Variants in PCDH15 observed in about 807,000 individuals in gnomAD.
PCDH15 encodes protocadherin related 15.
Under a neutral mutation model 178.5 loss-of-function variants are expected in PCDH15, and 129 were observed. The observed-to-expected ratio is 0.72, with a 90% CI of 0.63 to 0.84. The LOEUF (loss-of-function observed/expected upper bound fraction) is 0.84. Among genes scored for constraint, PCDH15 ranks in the 40% least tolerant of loss-of-function variants. PCDH15 has a pLI of 0.00. For missense variants in PCDH15, 2,230 were observed against 2,099.9 expected, an observed-to-expected ratio of 1.06 and a Z score of -1.21; for synonymous variants, 800 against 732.0, an observed-to-expected ratio of 1.09 and a Z score of -1.50.
At chr10:54,037,877 A>G (rs1190722460) in intron 18 of PCDH15, among the ~76,000 whole-genome samples, 1 of 152,004 alleles carries the variant, frequency 6.6e-6, no homozygotes, top group Non-Finnish European at 1.5e-5. Flanking sequence ...AGTGTGAACC[A>G]CTTTGATTTG....
chr10:54,544,579 T>A lies in PCDH15; in HGVS notation c.92-16702A>T, dbSNP rs142778366. Among the ~76,000 whole-genome samples the A allele has an allele frequency of 1.6e-4, 24 of 152,242 alleles. No homozygotes were observed. In the East Asian group the frequency reaches 4.6e-3, roughly 29 times the overall value. ...CCAAGGGTGGTACTCCATATTTAAT[T>A]TAATTGTGTTTGCATATATCATACA... On this transcript the variant is annotated intron_variant, in intron 2 of 37. Transcript: ENST00000644397.
chr10:54,797,572 G>A (rs1003752755), intron 1 of PCDH15, among the ~76,000 whole-genome samples: 2 of 149,888 alleles, frequency 1.3e-5, no homozygotes, highest in Non-Finnish European at 1.5e-5. Flanking sequence ...GGAAGTAATT[G>A]GACAAGATTA....
chr10:55,147,084 T>A (rs893522989), intron 2 of PCDH15, among the ~76,000 whole-genome samples: 1 of 151,570 alleles, frequency 6.6e-6, no homozygotes, highest in South Asian at 2.1e-4. Context: ...TATTAGAAAA[T>A]AAATTACAAT....
intron 1 of PCDH15, among the ~76,000 whole-genome samples, chr10:54,795,575 T>C (rs1159465977): frequency 6.6e-6 from 1 of 151,914 alleles, no homozygotes; most frequent in African/African-American, 2.4e-5. Flanking sequence ...TCATCAAATA[T>C]TTATTGAGTA....
intron 32 of PCDH15, chr10:53,821,106 CT>C: frequency 2.0e-6 from 2 of 979,848 alleles, no homozygotes; most frequent in Non-Finnish European, 2.4e-6. Flanking sequence ...AAGTCAACGA[CT>C]CAAGATTTAT....
Position 54,796,254 on chromosome 10 carries a change from CTATCTATCTATCTATCTATG to C in PCDH15, c.-29+4651_-29+4670del, listed in dbSNP as rs879596216. ...TCTATCTATCTATCTATCTATCTAT[CTATCTATCTATCTATCTATG>C]TATCTATGTATCTATCTATCTATCT... On this transcript the variant is annotated intron_variant, in intron 1 of 37. Transcript: ENST00000644397. Among the ~76,000 whole-genome samples, 40 of 107,768 alleles carry C rather than the reference CTATCTATCTATCTATCTATG, an allele frequency of 3.7e-4. 1 individual carries two copies. The highest frequency in any genetic ancestry group is 1.1e-3 in the African/African-American group (27 of 24,758). 70.7% of individuals were successfully genotyped at this position (107,768 alleles called of 152,430 possible).
intron 28 of PCDH15, among the ~76,000 whole-genome samples, chr10:53,851,851 C>CAGCACATTATGT (rs1449241496): frequency 6.6e-6 from 1 of 151,250 alleles, no homozygotes. Context: ...ATTGATTACA[C>CAGCACATTATGT]AGCACATTTC....
intron 1 of PCDH15, among the ~76,000 whole-genome samples, chr10:55,210,093 A>C (rs1310126863): frequency 2.0e-5 from 3 of 152,178 alleles, no homozygotes; most frequent in Admixed American, 6.5e-5. Flanking sequence ...AAGAGGCATA[A>C]ATTTCAAAAG....
At chr10:54,657,979 T>A (rs548813369) in intron 2 of PCDH15, among the ~76,000 whole-genome samples, 31 of 152,306 alleles carry the variant, frequency 2.0e-4, no homozygotes, top group African/African-American at 7.5e-4. Flanking sequence ...GAACTTCATG[T>A]ATTGAAAAAG....
At chr10:54,290,125 G>C (rs954308292) in intron 8 of PCDH15, among the ~76,000 whole-genome samples, 2 of 152,140 alleles carry the variant, frequency 1.3e-5, no homozygotes, top group African/African-American at 4.8e-5. Flanking sequence ...GAAGGAAAAA[G>C]TGTTAAGGGC....
chr10:55,247,916 C>A (rs1841725934), intron 1 of PCDH15: 1 of 144,894 alleles, frequency 6.9e-6, no homozygotes, highest in Admixed American at 6.9e-5. Context: ...AGGAAAAATA[C>A]ATTTATAGGT....
chr10:54,225,904 A>G (rs2053387619), intron 9 of PCDH15, among the ~76,000 whole-genome samples: 1 of 152,214 alleles, frequency 6.6e-6, no homozygotes, highest in Non-Finnish European at 1.5e-5. Context: ...CAAGCAAGGA[A>G]TCTTGAGGGA....
intron 1 of PCDH15, among the ~76,000 whole-genome samples, chr10:54,715,248 A>C (rs1028562204): frequency 1.4e-4 from 21 of 152,298 alleles, no homozygotes; most frequent in African/African-American, 4.8e-4. Context: ...TCCATTAAGA[A>C]ATTACCAATA....
chr10:55,308,156 AT>A (rs2132285645), intron 1 of PCDH15, among the ~76,000 whole-genome samples: 1 of 152,302 alleles, frequency 6.6e-6, no homozygotes, highest in South Asian at 2.1e-4. Context: ...GGAGATTATA[AT>A]GAGACCTAAT....
intron 13 of PCDH15, among the ~76,000 whole-genome samples, chr10:54,182,731 G>A (rs1006179212): frequency 3.9e-5 from 6 of 151,902 alleles, no homozygotes; most frequent in African/African-American, 1.5e-4. Context: ...ATTTACTAAG[G>A]CAGTTTTTTG....
chr10:55,332,570 A>G (rs541453286), intron 2 of PCDH15, among the ~76,000 whole-genome samples: 2 of 152,258 alleles, frequency 1.3e-5, no homozygotes, highest in East Asian at 3.9e-4. Context: ...AGAATAAAGT[A>G]TCTTGCTGAC....
At chr10:55,211,929 G>GC (rs1195806151) in intron 1 of PCDH15, among the ~76,000 whole-genome samples, 3 of 147,872 alleles carry the variant, frequency 2.0e-5, no homozygotes, top group Non-Finnish European at 4.5e-5. Flanking sequence ...ACAAAAAGCA[G>GC]CCCCCCAAAT....
intron 8 of PCDH15, among the ~76,000 whole-genome samples, chr10:54,309,169 C>A (rs902659022): frequency 6.6e-6 from 1 of 151,944 alleles, no homozygotes; most frequent in Non-Finnish European, 1.5e-5. Flanking sequence ...ACATTATTAA[C>A]AATATGCTGG....
At chr10:55,510,854 A>T (rs1208597981) in intron 2 of PCDH15, among the ~76,000 whole-genome samples, 2 of 149,178 alleles carry the variant, frequency 1.3e-5, no homozygotes, top group African/African-American at 2.4e-5. Flanking sequence ...TATATATATA[A>T]TATATATACA....
Sources: gnomAD v4.1 joint callset for allele counts (sites outside exome capture counted in the v4.1 genomes callset) on GRCh38, gnomAD v4.1.1 for gene constraint, MANE v1.5 for transcripts, NCBI Gene and HGNC (gene_info 2026-07-23, HGNC 2026-07-21) for gene names.